Variants in DDC observed in about 807,000 individuals in gnomAD.
DDC encodes dopa decarboxylase.
Under a neutral mutation model 60.0 loss-of-function variants are expected in DDC, and 43 were observed. The observed-to-expected ratio is 0.72, with a 90% CI of 0.56 to 0.92. The LOEUF (loss-of-function observed/expected upper bound fraction) is 0.92. DDC is among the 40% of genes least tolerant of loss of function. The pLI is 0.00. For missense variants in DDC, 573 were observed against 620.2 expected (o/e 0.92, Z 0.81); for synonymous variants, 232 against 234.6 (o/e 0.99, Z 0.10).
chr7:50,533,593 T>G (rs2044289660), intron 4 of DDC, among the ~76,000 whole-genome samples: 1 of 152,074 alleles, frequency 6.6e-6, no homozygotes, highest in Non-Finnish European at 1.5e-5. Flanking sequence ...CCACACCAGG[T>G]CCATAATCAC....
chr7:50,555,348 T>A (rs976114804), intron 1 of DDC, among the ~76,000 whole-genome samples: 1 of 152,142 alleles, frequency 6.6e-6, no homozygotes, highest in Non-Finnish European at 1.5e-5. Flanking sequence ...TTAGCTCCTT[T>A]AATGCTTTAT....
At chr7:50,505,413 T>G (rs751345748) in intron 6 of DDC, among the ~76,000 whole-genome samples, 1 of 152,188 alleles carries the variant, frequency 6.6e-6, no homozygotes, top group Non-Finnish European at 1.5e-5. Flanking sequence ...GGAATAGAAT[T>G]AAATTTGTGT....
chr7:50,470,213 T>C (rs2042498729), intron 11 of DDC, 42 bp from the exon 12 acceptor site: 1 of 1,437,514 alleles, frequency 7.0e-7, no homozygotes, highest in East Asian at 2.3e-5. Context: ...AGGAAGATAT[T>C]AAAAGCTGGC....
chr7:50,478,715 T>A (rs2153536007), intron 10 of DDC, among the ~76,000 whole-genome samples: 1 of 152,222 alleles, frequency 6.6e-6, no homozygotes, highest in East Asian at 1.9e-4. Flanking sequence ...AACTGTGGAC[T>A]ACTTAATAGG....
intron 1 of DDC, among the ~76,000 whole-genome samples, chr7:50,550,606 G>T (rs1238284015): frequency 6.6e-6 from 1 of 152,212 alleles, no homozygotes; most frequent in Admixed American, 6.5e-5. Flanking sequence ...GGAGACAGGA[G>T]ACATCAATCA....
At chr7:50,514,710 T>C (rs7797142) in intron 6 of DDC, among the ~76,000 whole-genome samples, 108,517 of 151,708 alleles carry the variant, frequency 0.72, 39,144 homozygotes, top group East Asian at 0.8. Flanking sequence ...AGCAATAGAA[T>C]TGAACAAGTA....
chr7:50,469,254 TTAAA>T (rs1389602666), intron 12 of DDC, among the ~76,000 whole-genome samples: 169 of 124,790 alleles, frequency 1.4e-3, no homozygotes, highest in African/African-American at 3.6e-3. Flanking sequence ...AATTGTTATT[TTAAA>T]AAAAAAAAAA....
chr7:50,480,285 G>C (rs1300819131), intron 9 of DDC, among the ~76,000 whole-genome samples: 1 of 152,200 alleles, frequency 6.6e-6, no homozygotes, highest in East Asian at 1.9e-4. Context: ...GAGAGCTCTG[G>C]GTTGGTAAAT....
chr7:50,529,094 C>A (rs1053471246), intron 5 of DDC, 114 bp downstream of exon 5: 2 of 1,398,374 alleles, frequency 1.4e-6, no homozygotes, highest in Admixed American at 1.7e-5. Flanking sequence ...TTTAGTGATA[C>A]CTGAGGAACT....
chr7:50,518,950 A>G (rs1296721092), intron 6 of DDC, among the ~76,000 whole-genome samples: 1 of 152,226 alleles, frequency 6.6e-6, no homozygotes, highest in Admixed American at 6.5e-5. Flanking sequence ...GGGTAAACAG[A>G]CAACCCACAG....
In DDC at chr7:50,470,245, C is replaced by A. The variant is rs2042499556; in HGVS notation, c.1042-74G>T. On this transcript the variant is annotated intron_variant, in intron 11 of 14. Coordinates refer to ENST00000444124, the MANE Select transcript of DDC (RefSeq NM_001082971.2). ...TGGCTTCCTTTTCGGCTCACCGGCT[C>A]GCCTATTTCTCTTGGAGGCAGCCGA... is the stretch of plus-strand genomic sequence containing the variant. 1.5e-5 allele frequency: 17 copies of A among 1,125,754 alleles called. 1 individual carries two copies. In the Admixed American group the frequency reaches 2.9e-4, roughly 19 times the overall value. The allele number at this position is 1,125,754 out of a possible 1,614,324, so 69.7% of individuals were successfully genotyped here.
intron 9 of DDC, among the ~76,000 whole-genome samples, chr7:50,481,907 G>T (rs1012973514): frequency 6.6e-6 from 1 of 152,062 alleles, no homozygotes; most frequent in Non-Finnish European, 1.5e-5. Context: ...TCATTCATGC[G>T]CAGGGCTCTT....
chr7:50,511,084 CAA>C (rs1554425867), intron 6 of DDC, among the ~76,000 whole-genome samples: 2 of 129,220 alleles, frequency 1.5e-5, no homozygotes, highest in Non-Finnish European at 3.4e-5. Flanking sequence ...CACACACACA[CAA>C]AATAATATAT....
chr7:50,470,124 C>T lies in DDC; in HGVS notation c.1089G>A (p.Trp363Ter), dbSNP rs2042496364. Residue 363 changes from tryptophan to a stop codon, truncating the protein, a stop_gained, in exon 12 of 15, where the codon TGG becomes TGA. Transcript: ENST00000444124. LOFTEE classifies it high-confidence loss of function. Reference protein sequence around the residue: ...LGRRFRSLKMWFVFRMYGVKG... With the variant: ...LGRRFRSLKM The stretch of plus-strand genomic sequence containing the variant: ...TGACTCCATACATCCTAAATACAAA[C>T]CACATTTTCAAAGAGCGAAATCTTC... The T allele has an allele frequency of 1.2e-6, 2 of 1,613,792 alleles. No homozygotes were observed. Among genetic ancestry groups the T allele is most frequent in the African/African-American group, 2.7e-5 (2 of 74,922 alleles).
chr7:50,461,304 C>T (rs2042268434), intron 14 of DDC, among the ~76,000 whole-genome samples: 3 of 152,168 alleles, frequency 2.0e-5, no homozygotes, highest in African/African-American at 7.2e-5. Context: ...TTCCTACTTT[C>T]TCTCAGAGCT....
At chr7:50,514,879 A>G (rs1456544684) in intron 6 of DDC, among the ~76,000 whole-genome samples, 1 of 152,212 alleles carries the variant, frequency 6.6e-6, no homozygotes, top group Non-Finnish European at 1.5e-5. Flanking sequence ...ATAAAGAAAA[A>G]AGAATAAGAA....
chr7:50,537,086 A>C (rs942930390), intron 4 of DDC, among the ~76,000 whole-genome samples: 3 of 144,054 alleles, frequency 2.1e-5, no homozygotes, highest in African/African-American at 5.2e-5. Flanking sequence ...TCCCAGTGCC[A>C]TTTGTCCTGC....
intron 1 of DDC, among the ~76,000 whole-genome samples, chr7:50,549,498 A>G (rs770792349): frequency 6.6e-6 from 1 of 151,914 alleles, no homozygotes; most frequent in African/African-American, 2.4e-5. Flanking sequence ...TAAAAATACA[A>G]AAAAAATTAG....
chr7:50,468,235 G>T (rs11575514), intron 12 of DDC, among the ~76,000 whole-genome samples: 1 of 152,180 alleles, frequency 6.6e-6, no homozygotes, highest in South Asian at 2.1e-4. Flanking sequence ...CCTCATGGGC[G>T]ATCCCGAAAG....
Sources: allele counts gnomAD v4.1 joint callset (sites outside exome capture counted in the v4.1 genomes callset), GRCh38; gene constraint gnomAD v4.1.1; transcripts MANE v1.5; gene names NCBI Gene and HGNC (gene_info 2026-07-23, HGNC 2026-07-21).